FLT3: variants seen among roughly 807,000 people sequenced by gnomAD.
FLT3 encodes the protein receptor-type tyrosine-protein kinase FLT3.
In FLT3, 46 loss-of-function variants were observed where a neutral mutation model predicts 126.6. The ratio of observed to expected loss-of-function variants is 0.36; its 90% confidence interval spans 0.29 to 0.46. FLT3 has a LOEUF of 0.46. FLT3 is among the 20% of genes least tolerant of loss of function. FLT3 has a pLI of 1.00. For missense variants in FLT3, 1,069 were observed against 1,190.3 expected, an observed-to-expected ratio of 0.90 and a Z score of 1.50; for synonymous variants, 404 against 434.4, an observed-to-expected ratio of 0.93 and a Z score of 0.87.
chr13:28,022,005 G>C (rs928423451), intron 19 of FLT3, among the ~76,000 whole-genome samples: 1 of 151,806 alleles, frequency 6.6e-6, no homozygotes, highest in South Asian at 2.1e-4. Context: ...CCAAAGTGTT[G>C]GGATTACAGG....
At chr13:28,022,314 C>T (rs1407154730) in intron 19 of FLT3, among the ~76,000 whole-genome samples, 1 of 152,082 alleles carries the variant, frequency 6.6e-6, no homozygotes, top group Non-Finnish European at 1.5e-5. Context: ...GATTTCAAGA[C>T]CAGCCTGGGC....
At chr13:28,055,316 C>T (rs1255336715) in intron 4 of FLT3, among the ~76,000 whole-genome samples, 1 of 152,224 alleles carries the variant, frequency 6.6e-6, no homozygotes, top group Non-Finnish European at 1.5e-5. Flanking sequence ...ACATTTCCTT[C>T]TATATACTAC....
intron 2 of FLT3, among the ~76,000 whole-genome samples, chr13:28,069,892 T>G (rs1200639648): frequency 1.3e-5 from 2 of 152,114 alleles, no homozygotes; most frequent in Admixed American, 6.6e-5. Context: ...GGTGGTAGGA[T>G]CAGTTGAGCC....
intron 3 of FLT3, among the ~76,000 whole-genome samples, chr13:28,061,386 A>G (rs1290745295): frequency 1.3e-5 from 2 of 151,752 alleles, no homozygotes; most frequent in Admixed American, 6.6e-5. Context: ...TATACATCCT[A>G]TGAGATTTGA....
intron 19 of FLT3, among the ~76,000 whole-genome samples, chr13:28,022,028 C>T (rs941942365): frequency 6.6e-6 from 1 of 151,888 alleles, no homozygotes; most frequent in African/African-American, 2.4e-5. Flanking sequence ...TGAGCTACCA[C>T]GCCCGGCTGC....
At chr13:28,009,553 G>A (rs1367757999) in intron 23 of FLT3, 1 of 152,018 alleles carries the variant, frequency 6.6e-6, no homozygotes, top group African/African-American at 2.4e-5. Flanking sequence ...TTTTATTTTA[G>A]TTTAGTTTAG....
At chr13:28,063,122 A>G (rs1309851523) in intron 2 of FLT3, among the ~76,000 whole-genome samples, 3 of 152,042 alleles carry the variant, frequency 2.0e-5, no homozygotes, top group Admixed American at 6.6e-5. Context: ...TAAAAACCAA[A>G]TTTTCTGGGC....
At position 28,100,430 on chromosome 13, in the gene FLT3, G is replaced by C; in HGVS notation, c.43+38C>G. Reference sequence around the variant, plus strand: ...CCACACTGCGGGGTGGGGGCTGAGGGACCGCGAGGGGCTGCGAGCGAGCGA... The same window carrying C: ...CCACACTGCGGGGTGGGGGCTGAGGCACCGCGAGGGGCTGCGAGCGAGCGA... On this transcript the variant is annotated intron_variant, in intron 1 of 23. Coordinates refer to ENST00000241453, the MANE Select transcript of FLT3 (RefSeq NM_004119.3). The surrounding 1 kb of genome is among the most constrained non-coding windows in gnomAD (Gnocchi z 4.8). The C allele has an allele frequency of 8.3e-7, 1 of 1,211,500 alleles. No homozygotes were observed. The highest frequency in any genetic ancestry group is 1.0e-6 in the Non-Finnish European group (1 of 973,636). 75.0% of individuals were successfully genotyped at this position (1,211,500 alleles called of 1,614,324 possible).
At chr13:28,047,133 G>C (rs1295957838) in intron 9 of FLT3, among the ~76,000 whole-genome samples, 1 of 152,044 alleles carries the variant, frequency 6.6e-6, no homozygotes, top group Non-Finnish European at 1.5e-5. Flanking sequence ...CCCCAGTTTT[G>C]AGTCAGCATG....
chr13:28,019,037 G>A (rs903336289), intron 19 of FLT3, among the ~76,000 whole-genome samples: 22 of 149,226 alleles, frequency 1.5e-4, no homozygotes, highest in Non-Finnish European at 7.4e-5. Flanking sequence ...GCGTGATCTC[G>A]GCTCACTGCA....
rs1227410009 is a variant in FLT3 at position 28,035,388 on chromosome 13, T to G, written c.1597+107A>C. On this transcript the variant is annotated intron_variant, in intron 12 of 23. Transcript: ENST00000241453. The stretch of plus-strand genomic sequence containing the variant: ...ACTCAAGAAACCTTTTCTCACACAC[T>G]GACCCTATACTCTCCTGTAAAATTC... The G allele has an allele frequency of 4.9e-6, 5 of 1,024,416 alleles. No homozygotes were observed. The East Asian group carries it at 1.2e-4, about 25-fold the overall frequency. 63.5% of individuals were successfully genotyped at this position (1,024,416 alleles called of 1,614,324 possible).
intron 2 of FLT3, among the ~76,000 whole-genome samples, chr13:28,068,799 ACTC>A (rs1338651044): frequency 6.6e-6 from 1 of 151,844 alleles, no homozygotes; most frequent in African/African-American, 2.4e-5. Flanking sequence ...CTGGTCTCAA[ACTC>A]CTCAGCTCAA....
chr13:28,096,478 C>G (rs2137836555), intron 1 of FLT3, among the ~76,000 whole-genome samples: 1 of 151,920 alleles, frequency 6.6e-6, no homozygotes, highest in African/African-American at 2.4e-5. Flanking sequence ...ACTCTGTCAC[C>G]AAGGGTATAG....
intron 1 of FLT3, among the ~76,000 whole-genome samples, chr13:28,072,883 C>T (rs1877642865): frequency 6.6e-6 from 1 of 151,970 alleles, no homozygotes; most frequent in Non-Finnish European, 1.5e-5. Context: ...CAGGCGCCTG[C>T]AGTCCCAGCT....
At chr13:28,091,897 C>A (rs1341129045) in intron 1 of FLT3, among the ~76,000 whole-genome samples, 1 of 152,038 alleles carries the variant, frequency 6.6e-6, no homozygotes, top group Non-Finnish European at 1.5e-5. Flanking sequence ...TGGTGAAACC[C>A]CGTCTTTACT....
intron 1 of FLT3, among the ~76,000 whole-genome samples, chr13:28,084,352 T>A (rs9507998): frequency 6.6e-6 from 1 of 151,722 alleles, no homozygotes; most frequent in Non-Finnish European, 1.5e-5. Context: ...TGTCCTGCAG[T>A]TATTAATTTT....
chr13:28,048,393 G>T lies in FLT3; in HGVS notation c.1087C>A (p.Gln363Lys). 1 of 1,610,672 alleles carries T rather than the reference G, an allele frequency of 6.2e-7. No individual in the cohort carries two copies. Among genetic ancestry groups the T allele is most frequent in the Non-Finnish European group, 8.5e-7 (1 of 1,177,036 alleles). The change falls in exon 9 of 24, where the codon CAA becomes AAA. Residue 363 changes from glutamine (Q) to lysine (K), a missense_variant. Transcript: ENST00000241453. The part of the protein sequence containing the change: ...TNSSEDYEID[Q>K]YEEFCFSVRF... The stretch of plus-strand genomic sequence containing the variant: ...ACAGAAAAACAAAACTCTTCATATT[G>T]GTCAATTTCATAATCTTCACTTGAA...
chr13:28,033,858 T>G (rs967273003), intron 15 of FLT3, 29 bp downstream of exon 15: 8 of 1,557,054 alleles, frequency 5.1e-6, no homozygotes, highest in Non-Finnish European at 7.1e-6. Context: ...TTTGTGCATC[T>G]TTGTTGCTGT....
At chr13:28,043,121 ATCAGGC>A (rs915763670) in intron 9 of FLT3, among the ~76,000 whole-genome samples, 1 of 152,120 alleles carries the variant, frequency 6.6e-6, no homozygotes, top group Admixed American at 6.5e-5. Flanking sequence ...AAAGGAAAAC[ATCAGGC>A]TTAGGCAAGG....
Sources: gnomAD v4.1 joint callset for allele counts (sites outside exome capture counted in the v4.1 genomes callset) on GRCh38, gnomAD v4.1.1 for gene constraint, Gnocchi (gnomAD v3.1) non-coding constraint, MANE v1.5 for transcripts, NCBI Gene and HGNC (gene_info 2026-07-23, HGNC 2026-07-21) for gene names.